The following ABCC8 variants were observed in gnomAD, a reference collection of about 807,000 sequenced individuals.
ABCC8 encodes the protein ATP binding cassette subfamily C member 8.
ABCC8 carries 137 observed loss-of-function variants against 188.0 expected under a neutral mutation model. The ratio of observed to expected loss-of-function variants is 0.73; its 90% CI spans 0.63 to 0.84. The LOEUF is 0.84. Ranked by LOEUF, ABCC8 falls within the 40% of genes least tolerant of loss-of-function variation. The probability of loss-of-function intolerance (pLI) is 0.00; values close to 1 mark genes in which losing one functional copy is unlikely to be tolerated. For synonymous variants in ABCC8, 797 were observed against 846.5 expected (o/e 0.94, Z 1.01); for missense variants, 1,750 against 2,072.7 (o/e 0.84, Z 3.02).
chr11:17,393,174 C>T, intron 38 of ABCC8, 46 bp from the exon 39 acceptor site: 1 of 1,609,512 alleles, frequency 6.2e-7, no homozygotes, highest in South Asian at 1.1e-5. Context: ...GGAATACCAC[C>T]CGCGGTGGGG....
intron 3 of ABCC8, among the ~76,000 whole-genome samples, chr11:17,465,918 C>T (rs1306130153): frequency 6.6e-6 from 1 of 152,192 alleles, no homozygotes; most frequent in Non-Finnish European, 1.5e-5. Context: ...TCAATGCACC[C>T]ATGTTCATAG....
At chr11:17,467,041 A>AT (rs1848196572) in intron 3 of ABCC8, among the ~76,000 whole-genome samples, 1 of 37,364 alleles carries the variant, frequency 2.7e-5, no homozygotes, top group South Asian at 9.6e-4. Context: ...AACATGTTAA[A>AT]CCACACACAC....
Position 17,404,841 on chromosome 11 carries a change from A to G in ABCC8, c.3400-172T>C. 3 of 598,712 alleles carry G rather than the reference A, an allele frequency of 5.0e-6. No homozygotes were observed. Among genetic ancestry groups the G allele is most frequent in the Non-Finnish European group, 6.3e-6 (3 of 476,650 alleles). 37.1% of individuals were successfully genotyped at this position (598,712 alleles called of 1,614,324 possible). A position where few individuals can be genotyped will look rare whatever the true frequency, so the allele number is the denominator to read the frequency against. On this transcript the variant is annotated intron_variant, in intron 27 of 38. Transcript: ENST00000389817. This position sits in a 1 kb window ranked among gnomAD's most constrained non-coding sequence, Gnocchi z 4.7. ...CAGCAGCGTAATCTCGGTTCACGGC[A>G]GCCTCTGCCCCTTGGGTTCAAATGA...
In ABCC8 at chr11:17,393,009, G is replaced by A. The variant is rs73419228; in HGVS notation, c.4728C>T (p.Phe1576=). Reference sequence around the variant, plus strand: ...TGGCAGGTCACTTGTCTGCACGGACGAAGGAGGCGAAGACGCTGTCCTTCC... The same window carrying A: ...TGGCAGGTCACTTGTCTGCACGGACAAAGGAGGCGAAGACGCTGTCCTTCC... The part of the protein sequence containing the change: ...LSRKDSVFAS[F]VRADK The change falls in exon 39 of 39, where the codon TTC becomes TTT. Residue 1576 remains phenylalanine, a synonymous_variant. Transcript: ENST00000389817. 3,585 of 1,614,152 alleles carry A rather than the reference G, an allele frequency of 2.2e-3. 66 individuals are homozygous for A. The African/African-American group carries it at 0.038, about 17-fold the overall frequency.
Position 17,393,034 on chromosome 11 carries a change from C to T in ABCC8, c.4703G>A (p.Arg1568Gln), listed in dbSNP as rs374743072. 3.7e-4 allele frequency: 596 copies of T among 1,614,160 alleles called. 9 individuals are homozygous for T. The South Asian group carries it at 5.9e-3, about 16-fold the overall frequency. ...EFDKPEKLLSRKDSVFASFVR... is the reference protein window; with the variant it reads ...EFDKPEKLLSQKDSVFASFVR... ...GAAGGAGGCGAAGACGCTGTCCTTC[C>T]GGCTGAGCAGCTTCTCTGGCTTATC... The change falls in exon 39 of 39, where the codon CGG becomes CAG. Residue 1568 changes from arginine to glutamine, a missense_variant. Transcript: ENST00000389817.
intron 10 of ABCC8, among the ~76,000 whole-genome samples, chr11:17,441,589 G>A (rs1308875546): frequency 6.6e-6 from 1 of 152,064 alleles, no homozygotes; most frequent in African/African-American, 2.4e-5. Context: ...TGTGAAGTCA[G>A]CTGGTTGCTA....
chr11:17,393,769 G>T lies in ABCC8; in HGVS notation c.4546-10C>A. ...TTTGGAGGATGTTTTCCTGCCAAGT[G>T]GGGGCAACAGCTGTTGGCTCACCTG... is the stretch of plus-strand genomic sequence containing the variant. On this transcript the variant is annotated splice_polypyrimidine_tract_variant and intron_variant, in intron 37 of 38. Transcript: ENST00000389817. 2 of 1,614,082 alleles carry T rather than the reference G, an allele frequency of 1.2e-6. No homozygotes were observed. Among genetic ancestry groups the T allele is most frequent in the Non-Finnish European group, 1.7e-6 (2 of 1,179,910 alleles).
At chr11:17,436,117 A>T (rs1484912188) in intron 10 of ABCC8, 2 of 801,970 alleles carry the variant, frequency 2.5e-6, no homozygotes, top group African/African-American at 3.4e-5. Context: ...TCTGGTACAG[A>T]GCTGAGGGCT....
chr11:17,401,239 C>T (rs528598964), intron 29 of ABCC8, among the ~76,000 whole-genome samples: 14 of 152,272 alleles, frequency 9.2e-5, no homozygotes, highest in East Asian at 5.8e-4. Flanking sequence ...GTTGAAGGAA[C>T]GGGAGAAGTT....
chr11:17,442,883 C>T lies in ABCC8; in HGVS notation c.1468-1G>A. On this transcript the variant is annotated splice_acceptor_variant, in intron 9 of 38. Transcript: ENST00000389817. LOFTEE classifies it high-confidence loss of function. ...GCTTCAGCCGCTCATTGGAATACTC[C>T]TGCAGGGGTCCCCGAGTCAGAGGGG... The T allele has an allele frequency of 6.2e-7, 1 of 1,612,152 alleles. No homozygotes were observed. Among genetic ancestry groups the T allele is most frequent in the Non-Finnish European group, 8.5e-7 (1 of 1,180,018 alleles).
intron 23 of ABCC8, chr11:17,408,184 A>C (rs1324391334): frequency 1.9e-6 from 1 of 532,210 alleles, no homozygotes; most frequent in Non-Finnish European, 3.3e-6. Context: ...CCTCAGGATA[A>C]GGCGAAGGTG....
chr11:17,469,333 TC>T (rs1389090319), intron 3 of ABCC8, among the ~76,000 whole-genome samples: 3 of 151,914 alleles, frequency 2.0e-5, no homozygotes, highest in Admixed American at 2.0e-4. Flanking sequence ...CCTCGGGTGA[TC>T]CGCCCACCTC....
chr11:17,397,638 G>C, intron 31 of ABCC8, 46 bp downstream of exon 31: 1 of 1,594,192 alleles, frequency 6.3e-7, no homozygotes, highest in Non-Finnish European at 8.5e-7. Flanking sequence ...TGCTCCGGGA[G>C]TGCTGGTGTC....
In ABCC8 at chr11:17,398,639, C is replaced by G. The variant is rs192583594; in HGVS notation, c.3651-198G>C. The G allele has an allele frequency of 1.3e-5, 7 of 552,902 alleles. No individual in the cohort carries two copies. The East Asian group carries it at 8.9e-4, about 70-fold the overall frequency. The allele number at this position is 552,902 out of a possible 1,614,324, so 34.2% of individuals were successfully genotyped here. ...TATTCAAACCTGTCCAGAATCCCCACCTCCTCCAAACTCTTGTTTTCACCC... is the reference window on the plus strand; with the variant it reads ...TATTCAAACCTGTCCAGAATCCCCAGCTCCTCCAAACTCTTGTTTTCACCC... On this transcript the variant is annotated intron_variant, in intron 29 of 38. Transcript: ENST00000389817.
At position 17,427,066 on chromosome 11, in the gene ABCC8, C is replaced by T. The variant is rs1282771867; in HGVS notation, c.2205G>A (p.Gly735=). ...AALGEMQKVS[G]AVFWSSLPDS... ...TGTATTACCTGCTCCAGAAGACAGC[C>T]CCTGAGACCTTCTGCATCTCCCCCA... is the stretch of plus-strand genomic sequence containing the variant. The change falls in exon 16 of 39, where the codon GGG becomes GGA. Residue 735 remains glycine, a synonymous_variant. Transcript: ENST00000389817. The surrounding 1 kb of genome is among the most constrained non-coding windows in gnomAD (Gnocchi z 5.0). 1 of 1,613,968 alleles carries T rather than the reference C, an allele frequency of 6.2e-7. No homozygotes were observed.
chr11:17,447,561 G>A (rs1956586728), intron 8 of ABCC8, among the ~76,000 whole-genome samples: 2 of 152,116 alleles, frequency 1.3e-5, no homozygotes, highest in Admixed American at 1.3e-4. Context: ...AGGTAGCTGG[G>A]ACTAAAGGGG....
rs374267533 is a variant in ABCC8, at chr11:17,414,472, C to T, written c.2390+40G>A. ...TGGGGCAGGCTGGCCAGAGACAGTT[C>T]CTCCCCTCCACATCCTGCCTCCCTC... On this transcript the variant is annotated intron_variant, in intron 19 of 38. Coordinates refer to ENST00000389817, the MANE Select transcript of ABCC8 (RefSeq NM_000352.6). 1.1e-5 allele frequency: 17 copies of T among 1,612,158 alleles called. No individual in the cohort carries two copies. The African/African-American group carries it at 2.3e-4, about 22-fold the overall frequency.
At chr11:17,461,999 C>T (rs1473607428) in intron 4 of ABCC8, 174 bp from the exon 5 acceptor site, 2 of 742,700 alleles carry the variant, frequency 2.7e-6, no homozygotes, top group African/African-American at 1.9e-5. Context: ...TCTTGGCCAC[C>T]AATGTCAGGG....
intron 7 of ABCC8, among the ~76,000 whole-genome samples, chr11:17,451,634 A>G (rs959161353): frequency 2.6e-5 from 4 of 152,266 alleles, no homozygotes; most frequent in African/African-American, 9.6e-5. Context: ...ATTCTGAGGA[A>G]CATTTCCAAA....
Sources: gnomAD v4.1 joint callset for allele counts (sites outside exome capture counted in the v4.1 genomes callset) on GRCh38, gnomAD v4.1.1 for gene constraint, Gnocchi (gnomAD v3.1) non-coding constraint, MANE v1.5 for transcripts, NCBI Gene and HGNC (gene_info 2026-07-23, HGNC 2026-07-21) for gene names.